SOX5: variants seen among roughly 807,000 people sequenced by gnomAD.
SOX5 encodes the protein transcription factor SOX-5.
A neutral mutation model predicts 92.0 loss-of-function variants in SOX5; 9 were observed. The observed-to-expected ratio is 0.10, with a 90% CI of 0.06 to 0.17. The LOEUF (loss-of-function observed/expected upper bound fraction) is 0.17, where lower values mean the gene tolerates loss of function less well. SOX5 is among the 10% of genes least tolerant of loss of function. The probability of loss-of-function intolerance (pLI) is 1.00; values close to 1 mark genes in which losing one functional copy is unlikely to be tolerated. For synonymous variants in SOX5, 344 were observed against 336.3 expected (o/e 1.02, Z -0.25); for missense variants, 642 against 944.5 (o/e 0.68, Z 4.20).
chr12:23,692,512 C>T (rs893972567), intron 6 of SOX5, among the ~76,000 whole-genome samples: 9 of 151,748 alleles, frequency 5.9e-5, no homozygotes, highest in African/African-American at 1.9e-4. Context: ...TTGCAGTAAG[C>T]ACTGTATAGT....
intron 8 of SOX5, among the ~76,000 whole-genome samples, chr12:23,615,873 C>T (rs1182181628): frequency 6.6e-6 from 1 of 152,032 alleles, no homozygotes; most frequent in Non-Finnish European, 1.5e-5. Flanking sequence ...AAGGGTAAAA[C>T]CTATCAGAGA....
intron 4 of SOX5, among the ~76,000 whole-genome samples, chr12:24,197,219 G>C (rs553556596): frequency 6.6e-6 from 1 of 152,144 alleles, no homozygotes; most frequent in Admixed American, 6.5e-5. Flanking sequence ...CAATTTAATA[G>C]CCCCTTAAAA....
At chr12:24,174,079 C>G (rs1037521875) in intron 4 of SOX5, among the ~76,000 whole-genome samples, 1 of 151,914 alleles carries the variant, frequency 6.6e-6, no homozygotes, top group Admixed American at 6.6e-5. Context: ...CTCACTGCAA[C>G]CTACGCCTCC....
At chr12:24,063,736 T>A (rs901181019) in intron 4 of SOX5, among the ~76,000 whole-genome samples, 2 of 152,186 alleles carry the variant, frequency 1.3e-5, no homozygotes, top group African/African-American at 4.8e-5. Flanking sequence ...CTAATACACA[T>A]AAGGCACACG....
At chr12:24,214,869 G>C (rs1959042973) in intron 3 of SOX5, among the ~76,000 whole-genome samples, 1 of 151,848 alleles carries the variant, frequency 6.6e-6, no homozygotes, top group African/African-American at 2.4e-5. Context: ...GGAATATTTA[G>C]ATCATTTTAG....
At chr12:24,056,444 T>C (rs1401549222) in intron 4 of SOX5, among the ~76,000 whole-genome samples, 2 of 152,234 alleles carry the variant, frequency 1.3e-5, no homozygotes, top group African/African-American at 4.8e-5. Flanking sequence ...AACATATTAA[T>C]GCTTAAAATT....
intron 1 of SOX5, among the ~76,000 whole-genome samples, chr12:24,557,718 T>C (rs1329434839): frequency 6.6e-6 from 1 of 152,234 alleles, no homozygotes; most frequent in East Asian, 1.9e-4. Flanking sequence ...AGTAGTTGAA[T>C]GACATGTAGC....
chr12:23,804,558 A>C (rs1293085657), intron 3 of SOX5, among the ~76,000 whole-genome samples: 1 of 152,058 alleles, frequency 6.6e-6, no homozygotes, highest in Admixed American at 6.6e-5. Flanking sequence ...TCTCAATCCT[A>C]ACCTCTCTCC....
chr12:24,163,963 T>A (rs530338371), intron 4 of SOX5, among the ~76,000 whole-genome samples: 1 of 152,058 alleles, frequency 6.6e-6, no homozygotes, highest in Non-Finnish European at 1.5e-5. Context: ...ATTATTTCAA[T>A]AGAAGAGAAA....
At chr12:24,362,889 G>A (rs1174347837) in intron 2 of SOX5, among the ~76,000 whole-genome samples, 1 of 149,426 alleles carries the variant, frequency 6.7e-6, no homozygotes, top group Non-Finnish European at 1.5e-5. Context: ...AAAAAAGGAG[G>A]GCTATTAGCA....
chr12:23,677,153 T>G (rs2139709820), intron 6 of SOX5, among the ~76,000 whole-genome samples: 1 of 152,310 alleles, frequency 6.6e-6, no homozygotes, highest in East Asian at 1.9e-4. Flanking sequence ...GAGCAATGCC[T>G]TAAACTATGG....
intron 2 of SOX5, among the ~76,000 whole-genome samples, chr12:23,870,527 C>G (rs2096861323): frequency 6.6e-6 from 1 of 152,062 alleles, no homozygotes; most frequent in Non-Finnish European, 1.5e-5. Flanking sequence ...AAGCACTTAA[C>G]AAGGCAAATT....
intron 9 of SOX5, among the ~76,000 whole-genome samples, chr12:23,594,122 C>A (rs1951993687): frequency 6.6e-6 from 1 of 151,924 alleles, no homozygotes; most frequent in African/African-American, 2.4e-5. Flanking sequence ...ACTTGCTTCA[C>A]ATAGGTGGTG....
chr12:23,777,622 T>C (rs2095147575), intron 3 of SOX5, among the ~76,000 whole-genome samples: 1 of 152,202 alleles, frequency 6.6e-6, no homozygotes, highest in African/African-American at 2.4e-5. Context: ...TGCATGCATA[T>C]ATTTTCTGAA....
At chr12:24,052,464 G>GT (rs897574643) in intron 4 of SOX5, among the ~76,000 whole-genome samples, 12 of 151,940 alleles carry the variant, frequency 7.9e-5, no homozygotes, top group Non-Finnish European at 1.5e-4. Flanking sequence ...TGCTATTGCT[G>GT]TTACTCAATA....
chr12:23,614,856 C>T (rs1469980946), intron 8 of SOX5, among the ~76,000 whole-genome samples: 1 of 152,206 alleles, frequency 6.6e-6, no homozygotes, highest in African/African-American at 2.4e-5. Context: ...GGCTGGAGTG[C>T]AATGGCACAA....
At chr12:23,579,033 G>A (rs1949671285) in intron 9 of SOX5, among the ~76,000 whole-genome samples, 1 of 152,182 alleles carries the variant, frequency 6.6e-6, no homozygotes, top group Non-Finnish European at 1.5e-5. Context: ...TATGAGCACA[G>A]AGGAAACACA....
rs574150100 is a variant in SOX5 at position 24,506,876 on chromosome 12, C to T, written c.-251+55453G>A. Among the ~76,000 whole-genome samples the T allele has an allele frequency of 4.8e-5, 7 of 145,660 alleles. No individual in the cohort carries two copies. In the South Asian group the frequency reaches 6.5e-4, roughly 14 times the overall value. ...CGCGATCTCGGCTCACTGTAAGCTC[C>T]GCCTCCCGGGTTCACACCATTCTCC... On this transcript the variant is annotated intron_variant, in intron 1 of 4. Transcript: ENST00000446891.
chr12:23,551,272 A>G (rs897313951), intron 11 of SOX5, among the ~76,000 whole-genome samples: 1 of 151,958 alleles, frequency 6.6e-6, no homozygotes, highest in South Asian at 2.1e-4. Context: ...AAAGAAGATG[A>G]AAGATTACTT....
Sources: allele counts gnomAD v4.1 joint callset (sites outside exome capture counted in the v4.1 genomes callset), GRCh38; gene constraint gnomAD v4.1.1; transcripts MANE v1.5; gene names NCBI Gene and HGNC (gene_info 2026-07-23, HGNC 2026-07-21).